CLASP1: variants seen among roughly 807,000 people sequenced by gnomAD.
The protein encoded by CLASP1 is cytoplasmic linker associated protein 1, also known as CLIP-associating protein 1.
Under a neutral mutation model 192.3 loss-of-function variants are expected in CLASP1, and 38 were observed. That is an observed-to-expected ratio of 0.20 (90% CI 0.15 to 0.26). The LOEUF is 0.26. Ranked by LOEUF, CLASP1 falls within the 10% of genes least tolerant of loss-of-function variation. The pLI is 1.00. For missense variants in CLASP1, 1,433 were observed against 1,932.5 expected (o/e 0.74, Z 4.85); for synonymous variants, 691 against 712.8 (o/e 0.97, Z 0.49).
intron 1 of CLASP1, among the ~76,000 whole-genome samples, chr2:121,628,139 T>C (rs925868279): frequency 6.6e-6 from 1 of 152,206 alleles, no homozygotes; most frequent in Non-Finnish European, 1.5e-5. Context: ...TTTATAGTTA[T>C]GTTTTATGGA....
At chr2:121,606,587 A>T (rs1021433539) in intron 1 of CLASP1, among the ~76,000 whole-genome samples, 2 of 151,594 alleles carry the variant, frequency 1.3e-5, no homozygotes, top group African/African-American at 4.8e-5. Flanking sequence ...TCAGTCTTCT[A>T]AAAAAAAACC....
At chr2:121,561,053 T>C (rs2059037864) in intron 2 of CLASP1, among the ~76,000 whole-genome samples, 2 of 152,164 alleles carry the variant, frequency 1.3e-5, no homozygotes, top group Admixed American at 1.3e-4. Context: ...ATTACAGGCA[T>C]GGGCCACCAT....
exon 38 of CLASP1, chr2:121,348,627 G>A (rs1348406784): frequency 1.9e-6 from 3 of 1,613,828 alleles, no homozygotes; most frequent in South Asian, 1.1e-5. Flanking sequence ...GTAGTCGGCC[G>A]TCTGGATGAT....
chr2:121,472,398 C>G (rs2090912621), intron 8 of CLASP1, among the ~76,000 whole-genome samples: 1 of 152,166 alleles, frequency 6.6e-6, no homozygotes, highest in South Asian at 2.1e-4. Context: ...CAGTTCAGAA[C>G]TTGGCTGTTC....
rs2087259212 is a variant in CLASP1 at position 121,458,914 on chromosome 2, T to G, written c.1240A>C (p.Ile414Leu). ...GCACTGTTTGGAATTAAATTAAAGA[T>G]AGTTGGCATAATGGCTTCAGCTCCA... is the stretch of plus-strand genomic sequence containing the variant. The change falls in exon 13 of 40, where the codon ATC becomes CTC. Residue 414 changes from isoleucine to leucine, a missense_variant. Ile to Leu is a conservative substitution (Grantham distance 5). Around this residue, in one of 8 missense-constraint regions of CLASP1, gnomAD observed 113 missense variants for 239.5 expected, o/e 0.47. Transcript: ENST00000263710. 2 of 1,612,916 alleles carry G rather than the reference T, an allele frequency of 1.2e-6. No homozygotes were observed. Among genetic ancestry groups the G allele is most frequent in the Admixed American group, 1.7e-5 (1 of 59,904 alleles).
intron 8 of CLASP1, among the ~76,000 whole-genome samples, chr2:121,478,898 CACCACACCACA>C (rs1355357102): frequency 1.2e-4 from 8 of 68,998 alleles, no homozygotes; most frequent in Non-Finnish European, 1.6e-4. Context: ...CACACACACA[CACCACACCACA>C]CACACCACAC....
chr2:121,477,098 T>C lies in CLASP1; in HGVS notation c.713-7138A>G, dbSNP rs139856635. On this transcript the variant is annotated intron_variant, in intron 8 of 39. Coordinates refer to ENST00000263710, the Ensembl canonical transcript of CLASP1. ...CATTTACTTCATTGCCCCCTGAAAT[T>C]AGCTGGCTGCAGATCTGTTTGGTCT... 3.5e-3 allele frequency among the ~76,000 whole-genome samples: 530 copies of C among 152,304 alleles called. 5 individuals are homozygous for C. Among genetic ancestry groups the C allele is most frequent in the Non-Finnish European group, 3.7e-3 (250 of 68,032 alleles).
At chr2:121,381,052 G>C (rs796878467) in intron 33 of CLASP1, among the ~76,000 whole-genome samples, 19 of 152,266 alleles carry the variant, frequency 1.2e-4, no homozygotes, top group African/African-American at 4.1e-4. Context: ...GACCTGCTTT[G>C]TTAACATTAA....
At chr2:121,608,362 T>C (rs1191795388) in intron 1 of CLASP1, among the ~76,000 whole-genome samples, 1 of 152,174 alleles carries the variant, frequency 6.6e-6, no homozygotes, top group Non-Finnish European at 1.5e-5. Flanking sequence ...CCAAGTCCCC[T>C]CCTGCAATGA....
chr2:121,374,204 A>G (rs2069430089), intron 34 of CLASP1, among the ~76,000 whole-genome samples: 1 of 152,252 alleles, frequency 6.6e-6, no homozygotes, highest in Admixed American at 6.5e-5. Context: ...AAAAGGGGCC[A>G]ACGTACAGCT....
At chr2:121,540,525 A>G (rs1437230248) in intron 2 of CLASP1, among the ~76,000 whole-genome samples, 1 of 152,124 alleles carries the variant, frequency 6.6e-6, no homozygotes, top group Non-Finnish European at 1.5e-5. Flanking sequence ...ATGGTGGTTC[A>G]CACCTGTAAT....
intron 2 of CLASP1, among the ~76,000 whole-genome samples, chr2:121,553,105 T>C (rs1025073449): frequency 5.3e-5 from 8 of 152,082 alleles, no homozygotes; most frequent in African/African-American, 1.9e-4. Context: ...AAACCAAATA[T>C]TGCATGTTCT....
intron 1 of CLASP1, among the ~76,000 whole-genome samples, chr2:121,623,006 G>A (rs71424393): frequency 0.039 from 5,905 of 152,048 alleles, 155 homozygotes; most frequent in Middle Eastern, 0.092. Context: ...GGTGGATCAC[G>A]TAAGCTCAGG....
chr2:121,445,442 A>G (rs1228289423), intron 19 of CLASP1: 8 of 1,288,654 alleles, frequency 6.2e-6, no homozygotes, highest in East Asian at 5.6e-5. Flanking sequence ...GCTGTCGAGC[A>G]TGGTACCTGA....
chr2:121,360,966 A>G (rs1295025109), intron 37 of CLASP1, among the ~76,000 whole-genome samples: 1 of 148,878 alleles, frequency 6.7e-6, no homozygotes, highest in East Asian at 1.9e-4. Flanking sequence ...AATTTTGCAG[A>G]AAAAAAAAAA....
At chr2:121,543,923 C>A (rs528547199) in intron 2 of CLASP1, among the ~76,000 whole-genome samples, 4 of 152,248 alleles carry the variant, frequency 2.6e-5, no homozygotes, top group African/African-American at 7.2e-5. Flanking sequence ...CTATTTAATT[C>A]TCACAACAAT....
intron 19 of CLASP1, among the ~76,000 whole-genome samples, chr2:121,433,336 A>G (rs1296661346): frequency 6.6e-6 from 1 of 152,030 alleles, no homozygotes; most frequent in Non-Finnish European, 1.5e-5. Context: ...AAAAAAAAAA[A>G]AAAAGAAAAT....
intron 8 of CLASP1, among the ~76,000 whole-genome samples, chr2:121,478,689 ACACACACAAC>A (rs2092018268): frequency 4.5e-5 from 3 of 66,736 alleles, no homozygotes; most frequent in South Asian, 5.3e-4. Flanking sequence ...CACACACCCC[ACACACACAAC>A]CACACCCCAC....
chr2:121,458,577 G>C (rs1489445238), intron 13 of CLASP1, among the ~76,000 whole-genome samples: 6 of 151,996 alleles, frequency 3.9e-5, no homozygotes, highest in Non-Finnish European at 7.4e-5. Context: ...CCGGATGTTC[G>C]AACATTTTAA....
Sources: allele counts gnomAD v4.1 joint callset (sites outside exome capture counted in the v4.1 genomes callset), GRCh38; gene constraint gnomAD v4.1.1; regional missense constraint gnomAD v4.1.1; transcripts MANE v1.5; gene names NCBI Gene and HGNC (gene_info 2026-07-23, HGNC 2026-07-21).